NRROS: variants seen among roughly 807,000 people sequenced by gnomAD.
NRROS encodes the protein negative regulator of reactive oxygen species.
Under a neutral mutation model 12.0 loss-of-function variants are expected in NRROS, and 6 were observed. That is an observed-to-expected ratio of 0.50 (90% CI 0.27 to 0.98). The LOEUF (loss-of-function observed/expected upper bound fraction) is 0.98. Among genes scored for constraint, NRROS ranks in the 50% least tolerant of loss-of-function variants. The pLI is 0.11. For synonymous variants in NRROS, 462 were observed against 410.2 expected (o/e 1.13, Z -1.53); for missense variants, 857 against 888.2 (o/e 0.96, Z 0.45).
At chr3:196,641,098 C>A (rs1182014168) in intron 1 of NRROS, among the ~76,000 whole-genome samples, 1 of 151,958 alleles carries the variant, frequency 6.6e-6, no homozygotes, top group Non-Finnish European at 1.5e-5. Context: ...ATTATAGAAT[C>A]ATGGGCCCAG....
At chr3:196,658,661 C>CT in intron 2 of NRROS, among the ~76,000 whole-genome samples, 1 of 152,198 alleles carries the variant, frequency 6.6e-6, no homozygotes, top group Non-Finnish European at 1.5e-5. Flanking sequence ...GCTCCTCTAT[C>CT]TTATCACTTA....
chr3:196,660,954 G>T lies in NRROS; in HGVS notation c.1311G>T (p.Gln437His). Residue 437 changes from glutamine to histidine, a missense_variant, in exon 3 of 3, where the codon CAG (glutamine) becomes CAT (histidine). Transcript: ENST00000328557. The surrounding 1 kb of genome is among the most constrained non-coding windows in gnomAD (Gnocchi z 7.7). ...NITTLDMSHN[Q>H]ISLCPLPAAS... is the part of the protein sequence containing the mutation. The stretch of plus-strand genomic sequence containing the variant: ...CTACACTTGACATGAGCCACAATCA[G>T]ATCTCACTTTGTCCCCTGCCAGCTG... 1 of 1,614,198 alleles carries T rather than the reference G, an allele frequency of 6.2e-7. No individual in the cohort carries two copies. Among genetic ancestry groups the T allele is most frequent in the Non-Finnish European group, 8.5e-7 (1 of 1,180,052 alleles).
At chr3:196,659,721 T>G (rs1284503742) in intron 2 of NRROS, 31 bp from the exon 3 acceptor site, 2 of 1,580,236 alleles carry the variant, frequency 1.3e-6, no homozygotes, top group Admixed American at 3.6e-5. Flanking sequence ...CTGGGCCTCC[T>G]CGCTGCTGAC....
Position 196,661,402 on chromosome 3 carries a change from C to T in NRROS, c.1759C>T (p.Arg587Trp), listed in dbSNP as rs201020572. The change falls in exon 3 of 3, where the codon CGG becomes TGG. Residue 587 changes from arginine (R) to tryptophan (W), a missense_variant. Coordinates refer to ENST00000328557, the MANE Select transcript of NRROS (RefSeq NM_198565.3). ...AVSEQLSRGL[R>W]TIYLSQNPYD... The stretch of plus-strand genomic sequence containing the variant: ...GTCTGAGCAGCTCTCGAGAGGTCTG[C>T]GGACCATCTACCTCAGTCAGAATCC... 169 of 1,571,860 alleles carry T rather than the reference C, an allele frequency of 1.1e-4. 1 individual carries two copies. Among genetic ancestry groups the T allele is most frequent in the Non-Finnish European group, 1.7e-5 (20 of 1,156,204 alleles).
In NRROS at chr3:196,654,470, A is replaced by G. The variant is rs375270307; in HGVS notation, c.-13-57A>G. ...ACTGGCTCCTTCTGCCGATAATACA[A>G]ACAGCCCTCTGGGATGTCCTTCTCT... On this transcript the variant is annotated intron_variant, in intron 1 of 2. Coordinates refer to ENST00000328557, the MANE Select transcript of NRROS (RefSeq NM_198565.3). This position sits in a 1 kb window ranked among gnomAD's most constrained non-coding sequence, Gnocchi z 4.4. 646 of 1,010,958 alleles carry G rather than the reference A, an allele frequency of 6.4e-4. 4 individuals are homozygous for G. In the African/African-American group the frequency reaches 8.6e-3, roughly 13 times the overall value. The allele number at this position is 1,010,958 out of a possible 1,614,324, so 62.6% of individuals were successfully genotyped here.
chr3:196,660,997 C>T lies in NRROS; in HGVS notation c.1354C>T (p.Pro452Ser). 1 of 1,614,154 alleles carries T rather than the reference C, an allele frequency of 6.2e-7. No homozygotes were observed. The highest frequency in any genetic ancestry group is 8.5e-7 in the Non-Finnish European group (1 of 1,180,036). The stretch of plus-strand genomic sequence containing the variant: ...GCCAGCTGCCTCGGACCGGGTGGGC[C>T]CCCCTAGCTGTGTGGATTTCAGGAA... ...PLPAASDRVG[P>S]PSCVDFRNMA... The change falls in exon 3 of 3, where the codon CCC (proline) becomes TCC (serine). Residue 452 changes from proline to serine, a missense_variant. Transcript: ENST00000328557. The surrounding 1 kb of genome is among the most constrained non-coding windows in gnomAD (Gnocchi z 7.7).
At chr3:196,645,194 G>A (rs983629695) in intron 1 of NRROS, among the ~76,000 whole-genome samples, 10 of 152,314 alleles carry the variant, frequency 6.6e-5, no homozygotes, top group African/African-American at 2.4e-4. Context: ...CTTGTGATGA[G>A]GAGGTGATAC....
rs753633579 is a variant in NRROS, at chr3:196,649,766, G to A, written c.-13-4761G>A. 1.5e-4 allele frequency among the ~76,000 whole-genome samples: 23 copies of A among 152,274 alleles called. 1 individual carries two copies. Among genetic ancestry groups the A allele is most frequent in the South Asian group, 4.2e-4 (2 of 4,818 alleles). On this transcript the variant is annotated intron_variant, in intron 1 of 2. Transcript: ENST00000328557. Reference sequence around the variant, plus strand: ...ATTACAGGCGTGAGCCACTGCGCCCGGCCAAAATATTTGTTTCTAGCACAG... The same window carrying A: ...ATTACAGGCGTGAGCCACTGCGCCCAGCCAAAATATTTGTTTCTAGCACAG...
rs140967612 is a variant in NRROS at position 196,659,822 on chromosome 3, G to A, written c.179G>A (p.Arg60Gln). 1,080 of 1,613,944 alleles carry A rather than the reference G, an allele frequency of 6.7e-4. No individual in the cohort carries two copies. The highest frequency in any genetic ancestry group is 8.4e-4 in the Non-Finnish European group (987 of 1,179,932). Residue 60 changes from arginine (R) to glutamine (Q), a missense_variant, in exon 3 of 3, where the codon CGG becomes CAG. Physicochemically the swap from Arg to Gln is conservative, Grantham distance 43. Transcript: ENST00000328557. ...CCCAGCAGCCTCCCGCCCCACGCCCGGATGCTCACCCTGGATGCCAACCCT... is the reference window on the plus strand; with the variant it reads ...CCCAGCAGCCTCCCGCCCCACGCCCAGATGCTCACCCTGGATGCCAACCCT... ...SVPSSLPPHA[R>Q]MLTLDANPLK... is the part of the protein sequence containing the mutation.
rs142155131 is a variant in NRROS at position 196,660,759 on chromosome 3, C to G, written c.1116C>G (p.His372Gln). Reference sequence around the variant, plus strand: ...TGATGACGCTTCACATTCGGGAGCACGAGCCCCCCGGAGCGCTCACCGAGC... The same window carrying G: ...TGATGACGCTTCACATTCGGGAGCAGGAGCCCCCCGGAGCGCTCACCGAGC... ...NCLMTLHIRE[H>Q]EPPGALTELD... The change falls in exon 3 of 3, where the codon CAC becomes CAG. Residue 372 changes from histidine (H) to glutamine (Q), a missense_variant. Coordinates refer to ENST00000328557, the MANE Select transcript of NRROS (RefSeq NM_198565.3). This position sits in a 1 kb window ranked among gnomAD's most constrained non-coding sequence, Gnocchi z 7.7. 5.0e-6 allele frequency: 8 copies of G among 1,613,768 alleles called. No individual in the cohort carries two copies. The African/African-American group carries it at 6.7e-5, about 13-fold the overall frequency.
Position 196,661,593 on chromosome 3 carries a change from G to GCT in NRROS, c.1953_1954dup (p.Tyr652SerfsTer107). On this transcript the variant is annotated frameshift_variant, in exon 3 of 3. Coordinates refer to ENST00000328557, the MANE Select transcript of NRROS (RefSeq NM_198565.3). LOFTEE classifies it high-confidence loss of function. ...AGTGGGAGCGGCTGGACCTGGGCCT[G>GCT]CTCTACCTCGTGCTCATCCTCCCCA... 1 of 1,613,738 alleles carries GCT rather than the reference G, an allele frequency of 6.2e-7. No individual in the cohort carries two copies. The highest frequency in any genetic ancestry group is 8.5e-7 in the Non-Finnish European group (1 of 1,180,014).
chr3:196,661,746 A>C lies in NRROS; in HGVS notation c.*24A>C, dbSNP rs1284671211. On this transcript the variant is annotated 3_prime_UTR_variant, in exon 3 of 3. Coordinates refer to ENST00000328557, the MANE Select transcript of NRROS (RefSeq NM_198565.3). ...GACCTGGCTGTGTGCCAAGACTCGA[A>C]ATTCGGTCCGCACACAACAGGACAC... 2.6e-6 allele frequency: 4 copies of C among 1,561,960 alleles called. No individual in the cohort carries two copies. In the African/African-American group the frequency reaches 5.4e-5, roughly 21 times the overall value.
chr3:196,643,887 T>C (rs1737254943), intron 1 of NRROS, among the ~76,000 whole-genome samples: 1 of 152,108 alleles, frequency 6.6e-6, no homozygotes, highest in South Asian at 2.1e-4. Flanking sequence ...CCCTCTGTGG[T>C]CGTCAGACAC....
At position 196,654,959 on chromosome 3, in the gene NRROS, G is replaced by C. The variant is rs762845912; in HGVS notation, c.108+312G>C. ...GTTAAAAATCTGGATGATTCAGGCC[G>C]GGTGCAGTGGCTCAGGCCTGTAATC... On this transcript the variant is annotated intron_variant, in intron 2 of 2. Transcript: ENST00000328557. This position sits in a 1 kb window ranked among gnomAD's most constrained non-coding sequence, Gnocchi z 4.4. 3.4e-6 allele frequency: 1 copy of C among 290,166 alleles called. No individual in the cohort carries two copies. Among genetic ancestry groups the C allele is most frequent in the Admixed American group, 4.8e-5 (1 of 21,010 alleles). 18.0% of individuals were successfully genotyped at this position (290,166 alleles called of 1,614,324 possible).
rs950560457 is a variant in NRROS at position 196,639,884 on chromosome 3, T to C, written c.-14+9T>C. 7.2e-5 allele frequency: 11 copies of C among 152,278 alleles called. No homozygotes were observed. Among genetic ancestry groups the C allele is most frequent in the Admixed American group, 5.9e-4 (9 of 15,286 alleles). The allele number at this position is 152,278 out of a possible 1,614,324, so 9.4% of individuals were successfully genotyped here. A position where few individuals can be genotyped will look rare whatever the true frequency, so the allele number is the denominator to read the frequency against. Reference sequence around the variant, plus strand: ...CTGCGCCTGCGGGAGCCGTGAGTATTTCCCGCGTGGGGGCGTCCCCGGGGC... The same window carrying C: ...CTGCGCCTGCGGGAGCCGTGAGTATCTCCCGCGTGGGGGCGTCCCCGGGGC... On this transcript the variant is annotated intron_variant, in intron 1 of 2. Coordinates refer to ENST00000328557, the MANE Select transcript of NRROS (RefSeq NM_198565.3).
At position 196,661,250 on chromosome 3, in the gene NRROS, G is replaced by A. The variant is rs769048405; in HGVS notation, c.1607G>A (p.Gly536Glu). The change falls in exon 3 of 3, where the codon GGG (glycine) becomes GAG (glutamate). Residue 536 changes from glycine to glutamate, a missense_variant. Gly to Glu is a moderately conservative substitution (Grantham distance 98). Transcript: ENST00000328557. ...SFMALDFSGF[G>E]NLRDLDLSGN... The stretch of plus-strand genomic sequence containing the variant: ...ATGGCGTTGGACTTCTCTGGGTTTG[G>A]GAATCTCAGGGACTTAGATCTGTCG... 1 of 1,613,960 alleles carries A rather than the reference G, an allele frequency of 6.2e-7. No homozygotes were observed. Among genetic ancestry groups the A allele is most frequent in the Non-Finnish European group, 8.5e-7 (1 of 1,179,972 alleles).
intron 1 of NRROS, among the ~76,000 whole-genome samples, chr3:196,647,330 TA>T (rs1310574394): frequency 1.3e-5 from 2 of 152,146 alleles, no homozygotes; most frequent in South Asian, 2.1e-4. Context: ...AGACAGTTCT[TA>T]GGGGGGGAGA....
chr3:196,651,681 T>C (rs749905193), intron 1 of NRROS, among the ~76,000 whole-genome samples: 3 of 152,060 alleles, frequency 2.0e-5, no homozygotes, highest in Non-Finnish European at 4.4e-5. Context: ...GCAGGAGAAT[T>C]GTTGAACCCG....
chr3:196,660,266 G>A lies in NRROS; in HGVS notation c.623G>A (p.Arg208Lys), dbSNP rs2108643531. ...GCTTTCGACGGCCTGGCTGAGCTGAGGCACCTCAACCTGGCCTTCAACAAC... is the reference window on the plus strand; with the variant it reads ...GCTTTCGACGGCCTGGCTGAGCTGAAGCACCTCAACCTGGCCTTCAACAAC... ...GGAFDGLAEL[R>K]HLNLAFNNLP... is the part of the protein sequence containing the mutation. The change falls in exon 3 of 3, where the codon AGG becomes AAG. Residue 208 changes from arginine to lysine, a missense_variant. Physicochemically the swap from Arg to Lys is conservative, Grantham distance 26 (BLOSUM62 2). Coordinates refer to ENST00000328557, the MANE Select transcript of NRROS (RefSeq NM_198565.3). This position sits in a 1 kb window ranked among gnomAD's most constrained non-coding sequence, Gnocchi z 7.7. 3.1e-6 allele frequency: 5 copies of A among 1,613,878 alleles called. No individual in the cohort carries two copies. In the South Asian group the frequency reaches 3.3e-5, roughly 11 times the overall value.
Sources: gnomAD v4.1 joint callset for allele counts (sites outside exome capture counted in the v4.1 genomes callset) on GRCh38, gnomAD v4.1.1 for gene constraint, Gnocchi (gnomAD v3.1) non-coding constraint, MANE v1.5 for transcripts, NCBI Gene and HGNC (gene_info 2026-07-23, HGNC 2026-07-21) for gene names.